Variants in ASPSCR1 observed in about 807,000 individuals in gnomAD.
The protein encoded by ASPSCR1 is tether containing UBX domain for GLUT4.
In ASPSCR1, 55 loss-of-function variants were observed where a neutral mutation model predicts 68.9. That is an observed-to-expected ratio of 0.80 (90% CI 0.64 to 1.00). The LOEUF is 1.00. ASPSCR1 is among the 50% of genes least tolerant of loss of function. The probability of loss-of-function intolerance (pLI) is 0.00; values close to 1 mark genes in which losing one functional copy is unlikely to be tolerated. For missense variants in ASPSCR1, 765 were observed against 762.2 expected (o/e 1.00, Z -0.04); for synonymous variants, 352 against 332.6 (o/e 1.06, Z -0.63).
At chr17:82,015,907 C>A (rs963641327) in intron 12 of ASPSCR1, 1 of 169,234 alleles carries the variant, frequency 5.9e-6, no homozygotes, top group African/African-American at 2.4e-5. Context: ...AAAGCATTCA[C>A]GGCCCTTGTT....
chr17:82,013,314 G>A (rs1645123968), intron 12 of ASPSCR1: 1 of 152,296 alleles, frequency 6.6e-6, no homozygotes, highest in Non-Finnish European at 1.5e-5. Flanking sequence ...AGGAGGACCA[G>A]TGCCCAGGCC....
At chr17:82,011,495 G>T (rs771820817) in intron 10 of ASPSCR1, 48 bp from the exon 11 acceptor site, 7 of 1,544,368 alleles carry the variant, frequency 4.5e-6, no homozygotes, top group African/African-American at 2.8e-5. Context: ...GCAGCCCGGG[G>T]CTGGCGTGGT....
At chr17:81,978,249 C>G (rs949589991) in intron 1 of ASPSCR1, 2 of 152,212 alleles carry the variant, frequency 1.3e-5, no homozygotes, top group Non-Finnish European at 2.9e-5. Context: ...TGGCTGGGCG[C>G]GGTGGCTCAC....
At chr17:82,015,573 G>C in intron 12 of ASPSCR1, 1 of 641,062 alleles carries the variant, frequency 1.6e-6, no homozygotes. Flanking sequence ...CTCTGAGGGA[G>C]CCCTCTCGCC....
At chr17:81,998,212 C>T (rs534128798) in intron 7 of ASPSCR1, among the ~76,000 whole-genome samples, 1 of 152,324 alleles carries the variant, frequency 6.6e-6, no homozygotes, top group South Asian at 2.1e-4. Context: ...CTCAAGCGAT[C>T]TTCTTATCTC....
At chr17:82,012,447 G>A (rs1403083226) in intron 12 of ASPSCR1, among the ~76,000 whole-genome samples, 164 bp downstream of exon 12, 2 of 152,210 alleles carry the variant, frequency 1.3e-5, no homozygotes, top group African/African-American at 4.8e-5. Context: ...CGCCTCTGAA[G>A]TTGCTTCTGA....
Position 81,990,829 on chromosome 17 carries a change from C to G in ASPSCR1, c.375-3992C>G, listed in dbSNP as rs2042138753. ...CGGGTTTCCTATGAGGAGTTTCTCT[C>G]CATGGGTTTAGAGCCAGCAGGCACT... is the stretch of plus-strand genomic sequence containing the variant. On this transcript the variant is annotated intron_variant, in intron 4 of 15. Coordinates refer to ENST00000306739, the MANE Select transcript of ASPSCR1 (RefSeq NM_024083.4). The surrounding 1 kb of genome is among the most constrained non-coding windows in gnomAD (Gnocchi z 4.1). Among the ~76,000 whole-genome samples the G allele has an allele frequency of 6.6e-6, 1 of 152,148 alleles. No homozygotes were observed. Among genetic ancestry groups the G allele is most frequent in the Non-Finnish European group, 1.5e-5 (1 of 68,016 alleles).
chr17:82,001,730 C>A (rs190062453), intron 7 of ASPSCR1, among the ~76,000 whole-genome samples: 99 of 152,304 alleles, frequency 6.5e-4, no homozygotes, highest in Non-Finnish European at 1.2e-3. Context: ...GCCCAAGATC[C>A]CCTGGTTGGG....
chr17:81,985,473 C>T (rs201260961), intron 3 of ASPSCR1, 34 bp from the exon 4 acceptor site: 260 of 1,599,734 alleles, frequency 1.6e-4, no homozygotes, highest in African/African-American at 2.8e-4. Flanking sequence ...TGCTTTTCTT[C>T]CTAAGGAAGT....
Position 82,010,800 on chromosome 17 carries a change from A to T in ASPSCR1, c.1171-2A>T. 6.2e-7 allele frequency: 1 copy of T among 1,613,118 alleles called. No individual in the cohort carries two copies. The highest frequency in any genetic ancestry group is 8.5e-7 in the Non-Finnish European group (1 of 1,179,808). On this transcript the variant is annotated splice_acceptor_variant, in intron 9 of 15. Transcript: ENST00000306739. LOFTEE classifies it high-confidence loss of function. Reference sequence around the variant, plus strand: ...TCCAACCCTTCCACTTGTCTGGCCTAGGTGGCTCTGAGGGTCCTGTTCCCC... The same window carrying T: ...TCCAACCCTTCCACTTGTCTGGCCTTGGTGGCTCTGAGGGTCCTGTTCCCC...
rs368707985 is a variant in ASPSCR1, at chr17:81,983,452, TGGATGGCGGGGCGTGGATGGTGGGACGG to T, written c.159-81_159-54del. Reference sequence around the variant, plus strand: ...GCCACAGGACGTGGATGGCGGGGCGTGGATGGCGGGGCGTGGATGGTGGGACGGGGATGGCGGGGCGTGGATGGCAGGG... The same window carrying T: ...GCCACAGGACGTGGATGGCGGGGCGTGGATGGCGGGGCGTGGATGGCAGGG... On this transcript the variant is annotated intron_variant, in intron 2 of 15. Coordinates refer to ENST00000306739, the MANE Select transcript of ASPSCR1 (RefSeq NM_024083.4). This position sits in a 1 kb window ranked among gnomAD's most constrained non-coding sequence, Gnocchi z 4.4. 1.2e-3 allele frequency: 1,129 copies of T among 959,814 alleles called. No individual in the cohort carries two copies. Among genetic ancestry groups the T allele is most frequent in the Middle Eastern group, 2.7e-3 (11 of 4,010 alleles). 59.5% of individuals were successfully genotyped at this position (959,814 alleles called of 1,614,324 possible).
At chr17:81,998,964 G>A (rs1005157414) in intron 7 of ASPSCR1, among the ~76,000 whole-genome samples, 9 of 152,206 alleles carry the variant, frequency 5.9e-5, no homozygotes, top group African/African-American at 1.9e-4. Context: ...CCCCCCAACC[G>A]TGGGGACCTC....
Position 81,977,665 on chromosome 17 carries a change from G to C in ASPSCR1, c.19G>C (p.Gly7Arg). ...GCGGAAAATGGCGGCCCCGGCAGGC[G>C]GCGGAGGCTCCGCGGTGTCGGTGCT... The part of the protein sequence containing the change: MAAPAG[G>R]GGSAVSVLAP... The change falls in exon 1 of 16, where the codon GGC becomes CGC. Residue 7 changes from glycine to arginine, a missense_variant. Coordinates refer to ENST00000306739, the MANE Select transcript of ASPSCR1 (RefSeq NM_024083.4). The surrounding 1 kb of genome is among the most constrained non-coding windows in gnomAD (Gnocchi z 5.0). 7.2e-7 allele frequency: 1 copy of C among 1,398,138 alleles called. No homozygotes were observed. The allele number at this position is 1,398,138 out of a possible 1,614,324, so 86.6% of individuals were successfully genotyped here.
Position 82,017,298 on chromosome 17 carries a change from C to T in ASPSCR1, c.1649-11C>T. 6.2e-7 allele frequency: 1 copy of T among 1,611,430 alleles called. No individual in the cohort carries two copies. The highest frequency in any genetic ancestry group is 8.5e-7 in the Non-Finnish European group (1 of 1,179,930). ...GGGGTGTGTGGTCACCCTGATGTGT[C>T]TGCACTACAGCCAGCAAGAGGTGAG... On this transcript the variant is annotated splice_polypyrimidine_tract_variant and intron_variant, in intron 15 of 15. Transcript: ENST00000306739.
Position 81,983,666 on chromosome 17 carries a change from A to G in ASPSCR1, c.271A>G (p.Met91Val), listed in dbSNP as rs769780330. The change falls in exon 3 of 16, where the codon ATG (methionine) becomes GTG (valine). Residue 91 changes from methionine to valine, a missense_variant and splice_region_variant. By Grantham distance (21) the Met-to-Val change is conservative. Coordinates refer to ENST00000306739, the MANE Select transcript of ASPSCR1 (RefSeq NM_024083.4). This position sits in a 1 kb window ranked among gnomAD's most constrained non-coding sequence, Gnocchi z 4.4. ...CCGGAGCCGTGAGGGGCCTGAGAACATGGTGGGTCGTGCTCTGGGGGAGGC... is the reference window on the plus strand; with the variant it reads ...CCGGAGCCGTGAGGGGCCTGAGAACGTGGTGGGTCGTGCTCTGGGGGAGGC... ...ASRSREGPEN[M>V]VRIALQLDDG... 1 of 1,597,910 alleles carries G rather than the reference A, an allele frequency of 6.3e-7. No homozygotes were observed. Among genetic ancestry groups the G allele is most frequent in the South Asian group, 1.1e-5 (1 of 90,172 alleles).
chr17:82,001,985 CTTTTTTTTTTCTTTTTCCTTTT>C, intron 7 of ASPSCR1, among the ~76,000 whole-genome samples: 1 of 135,730 alleles, frequency 7.4e-6, no homozygotes, highest in East Asian at 2.1e-4. Flanking sequence ...TTTTTCTTTT[CTTTTTTTTTTCTTTTTCCTTTT>C]TTTTTTTTTT....
At chr17:82,010,963 T>C (rs1285358017) in intron 10 of ASPSCR1, 95 bp downstream of exon 10, 1 of 1,448,572 alleles carries the variant, frequency 6.9e-7, no homozygotes, top group Non-Finnish European at 9.5e-7. Context: ...TGCAGCCACC[T>C]GGCCTGCGGG....
chr17:82,003,117 G>A (rs2042591731), intron 7 of ASPSCR1, among the ~76,000 whole-genome samples: 1 of 152,130 alleles, frequency 6.6e-6, no homozygotes, highest in African/African-American at 2.4e-5. Context: ...GAAAGAGCTG[G>A]CATTACAGGC....
intron 7 of ASPSCR1, chr17:82,004,987 CG>C: frequency 1.3e-5 from 2 of 152,508 alleles, no homozygotes; most frequent in Admixed American, 6.5e-5. Flanking sequence ...TGCCCGGGGC[CG>C]GGGGTCTGGG....
Sources: gnomAD v4.1 joint callset for allele counts (sites outside exome capture counted in the v4.1 genomes callset) on GRCh38, gnomAD v4.1.1 for gene constraint, Gnocchi (gnomAD v3.1) non-coding constraint, MANE v1.5 for transcripts, NCBI Gene and HGNC (gene_info 2026-07-23, HGNC 2026-07-21) for gene names.